USP3: variants seen among roughly 807,000 people sequenced by gnomAD.
USP3 encodes ubiquitin specific peptidase 3.
Under a neutral mutation model 72.3 loss-of-function variants are expected in USP3, and 20 were observed. The observed-to-expected ratio is 0.28, with a 90% confidence interval of 0.19 to 0.40. USP3 has a LOEUF of 0.40. USP3 is among the 10% of genes least tolerant of loss of function. The pLI is 1.00. For missense variants in USP3, 479 were observed against 633.9 expected (o/e 0.76, Z 2.62); for synonymous variants, 222 against 225.3 (o/e 0.99, Z 0.13).
At chr15:63,531,074 G>C (rs931553244) in intron 1 of USP3, among the ~76,000 whole-genome samples, 1 of 152,204 alleles carries the variant, frequency 6.6e-6, no homozygotes, top group African/African-American at 2.4e-5. Context: ...TTGGCAACTA[G>C]AAGGGGATTT....
chr15:63,513,904 G>A (rs1027925897), intron 1 of USP3, among the ~76,000 whole-genome samples: 1 of 152,212 alleles, frequency 6.6e-6, no homozygotes, highest in Non-Finnish European at 1.5e-5. Context: ...TATAGAGACT[G>A]TGGGAGCAAC....
chr15:63,557,582 G>A (rs904102303), intron 5 of USP3, among the ~76,000 whole-genome samples: 7 of 152,164 alleles, frequency 4.6e-5, no homozygotes, highest in African/African-American at 7.2e-5. Flanking sequence ...TTTTAGTAGA[G>A]ACGGAGTTTC....
At chr15:63,590,519 T>C in intron 14 of USP3, 142 bp from the exon 15 acceptor site, 2 of 844,370 alleles carry the variant, frequency 2.4e-6, no homozygotes, top group Non-Finnish European at 3.3e-6. Context: ...TGGAGGAAGG[T>C]AAAAACATTA....
In USP3 at chr15:63,553,637, C is replaced by G. The variant is rs2066466397; in HGVS notation, c.285-78C>G. The G allele has an allele frequency of 2.2e-6, 3 of 1,374,310 alleles. No individual in the cohort carries two copies. The South Asian group carries it at 4.2e-5, about 19-fold the overall frequency. 85.1% of individuals were successfully genotyped at this position (1,374,310 alleles called of 1,614,324 possible). A position where few individuals can be genotyped will look rare whatever the true frequency, so the allele number is the denominator to read the frequency against. ...CAGAGCCATGTGATCATCTTGGCAACAGCCAGACCTTTTAGTGATTTCATT... is the reference window on the plus strand; with the variant it reads ...CAGAGCCATGTGATCATCTTGGCAAGAGCCAGACCTTTTAGTGATTTCATT... On this transcript the variant is annotated intron_variant, in intron 3 of 14. Transcript: ENST00000380324. This position sits in a 1 kb window ranked among gnomAD's most constrained non-coding sequence, Gnocchi z 4.2.
At chr15:63,565,704 A>T (rs1377734385) in intron 8 of USP3, among the ~76,000 whole-genome samples, 1 of 151,990 alleles carries the variant, frequency 6.6e-6, no homozygotes, top group African/African-American at 2.4e-5. Context: ...CTTTGAGATG[A>T]TTCATATTAG....
At chr15:63,536,816 T>C (rs2066164135) in intron 2 of USP3, among the ~76,000 whole-genome samples, 1 of 151,472 alleles carries the variant, frequency 6.6e-6, no homozygotes, top group Admixed American at 6.6e-5. Context: ...ATCGTGCCAC[T>C]GCACTCCAGC....
Position 63,574,017 on chromosome 15 carries a change from A to G in USP3, c.909-29A>G. On this transcript the variant is annotated intron_variant, in intron 9 of 14. Coordinates refer to ENST00000380324, the MANE Select transcript of USP3 (RefSeq NM_006537.4). This position sits in a 1 kb window ranked among gnomAD's most constrained non-coding sequence, Gnocchi z 4.6. ...GTCAAAGAGATGGCTTCTTACTGAG[A>G]TATTTTCCTGTGTGGTGATTTTGTT... The G allele has an allele frequency of 6.8e-7, 1 of 1,480,492 alleles. No individual in the cohort carries two copies. The highest frequency in any genetic ancestry group is 9.1e-7 in the Non-Finnish European group (1 of 1,094,366). 91.7% of individuals were successfully genotyped at this position (1,480,492 alleles called of 1,614,324 possible). A position where few individuals can be genotyped will look rare whatever the true frequency, so the allele number is the denominator to read the frequency against.
At position 63,593,303 on chromosome 15, in the gene USP3, C is replaced by T. The variant is rs1190539271; in HGVS notation, c.*2477C>T. ...ACATTAACATCACATCTAATTCAAC[C>T]TGAAATGTGAGTCTCCTTTGATCTT... is the stretch of plus-strand genomic sequence containing the variant. On this transcript the variant is annotated 3_prime_UTR_variant, in exon 15 of 15. Transcript: ENST00000380324. 1 of 152,182 alleles carries T rather than the reference C, an allele frequency of 6.6e-6. No individual in the cohort carries two copies. The highest frequency in any genetic ancestry group is 1.5e-5 in the Non-Finnish European group (1 of 68,034). 9.4% of individuals were successfully genotyped at this position (152,182 alleles called of 1,614,324 possible).
At chr15:63,566,123 T>C (rs1234489536) in intron 8 of USP3, among the ~76,000 whole-genome samples, 1 of 152,212 alleles carries the variant, frequency 6.6e-6, no homozygotes, top group East Asian at 1.9e-4. Flanking sequence ...ATTTAATATA[T>C]TTGTCTTGAC....
chr15:63,527,550 G>C (rs1326729464), intron 1 of USP3, among the ~76,000 whole-genome samples: 3 of 152,184 alleles, frequency 2.0e-5, no homozygotes, highest in Non-Finnish European at 4.4e-5. Flanking sequence ...TTGTTGGTAG[G>C]CCTCGAATAT....
Position 63,590,997 on chromosome 15 carries a change from T to A in USP3, c.*171T>A, listed in dbSNP as rs1264697743. On this transcript the variant is annotated 3_prime_UTR_variant, in exon 15 of 15. Coordinates refer to ENST00000380324, the MANE Select transcript of USP3 (RefSeq NM_006537.4). Reference sequence around the variant, plus strand: ...ACATGGGCACCAACTAATTTTGTTGTTGTTCTACCAGAAAACCTCAGCAGA... The same window carrying A: ...ACATGGGCACCAACTAATTTTGTTGATGTTCTACCAGAAAACCTCAGCAGA... 1 of 756,706 alleles carries A rather than the reference T, an allele frequency of 1.3e-6. No individual in the cohort carries two copies. Among genetic ancestry groups the A allele is most frequent in the Non-Finnish European group, 1.9e-6 (1 of 528,848 alleles). 46.9% of individuals were successfully genotyped at this position (756,706 alleles called of 1,614,324 possible).
rs1449959629 is a variant in USP3 at position 63,588,465 on chromosome 15, A to G, written c.1215+42A>G. 1 of 1,396,166 alleles carries G rather than the reference A, an allele frequency of 7.2e-7. No homozygotes were observed. Among genetic ancestry groups the G allele is most frequent in the Non-Finnish European group, 1.0e-6 (1 of 998,700 alleles). The allele number at this position is 1,396,166 out of a possible 1,614,324, so 86.5% of individuals were successfully genotyped here. ...GAGTTATGAAGCAATTTCAATGGGAAAGTGCTTGACTGCTAAGACCATGTC... is the reference window on the plus strand; with the variant it reads ...GAGTTATGAAGCAATTTCAATGGGAGAGTGCTTGACTGCTAAGACCATGTC... On this transcript the variant is annotated intron_variant, in intron 12 of 14. Coordinates refer to ENST00000380324, the MANE Select transcript of USP3 (RefSeq NM_006537.4). The surrounding 1 kb of genome is among the most constrained non-coding windows in gnomAD (Gnocchi z 4.6).
chr15:63,557,624 G>C (rs1351169542), intron 5 of USP3, among the ~76,000 whole-genome samples: 1 of 152,180 alleles, frequency 6.6e-6, no homozygotes, highest in African/African-American at 2.4e-5. Flanking sequence ...GAGGCGCCTG[G>C]CCTCAGGCAG....
In USP3 at chr15:63,544,723, C is replaced by T. The variant is rs777037372; in HGVS notation, c.284+7567C>T. The T allele has an allele frequency of 8.6e-6, 6 of 701,658 alleles. No homozygotes were observed. Among genetic ancestry groups the T allele is most frequent in the East Asian group, 2.7e-5 (1 of 37,216 alleles). The allele number at this position is 701,658 out of a possible 1,614,324, so 43.5% of individuals were successfully genotyped here. A position where few individuals can be genotyped will look rare whatever the true frequency, so the allele number is the denominator to read the frequency against. ...GTGAATAGTGCGAAATGGAAAATAC[C>T]GAGGGGTAAGAGAGTTCATGGTATA... On this transcript the variant is annotated intron_variant, in intron 3 of 14. Coordinates refer to ENST00000380324, the MANE Select transcript of USP3 (RefSeq NM_006537.4). This position sits in a 1 kb window ranked among gnomAD's most constrained non-coding sequence, Gnocchi z 4.2.
intron 1 of USP3, among the ~76,000 whole-genome samples, chr15:63,513,611 G>T (rs2065817177): frequency 6.6e-6 from 1 of 152,128 alleles, no homozygotes; most frequent in African/African-American, 2.4e-5. Context: ...CTGACTCTGA[G>T]TGATCTTTCC....
In USP3 at chr15:63,570,402, G is replaced by A. The variant is rs74018123; in HGVS notation, c.762-31G>A. ...GCTGGGCACAAAGAGCCCTCCACCC[G>A]GCCTTATAAGTGACTGTTTGTTTGC... On this transcript the variant is annotated intron_variant, in intron 8 of 14. Transcript: ENST00000380324. The surrounding 1 kb of genome is among the most constrained non-coding windows in gnomAD (Gnocchi z 4.4). 22 of 1,612,696 alleles carry A rather than the reference G, an allele frequency of 1.4e-5. No individual in the cohort carries two copies. Among genetic ancestry groups the A allele is most frequent in the East Asian group, 1.1e-4 (5 of 44,846 alleles).
At chr15:63,530,528 G>A (rs988693222) in intron 1 of USP3, 8 of 366,628 alleles carry the variant, frequency 2.2e-5, no homozygotes, top group African/African-American at 1.1e-4. Context: ...ACCAAAGCTG[G>A]TCTCGAACTC....
intron 11 of USP3, among the ~76,000 whole-genome samples, chr15:63,584,798 C>T (rs2067028336): frequency 6.6e-6 from 1 of 152,014 alleles, no homozygotes. Flanking sequence ...TCTTTTGTTG[C>T]CTGTGCTTTG....
chr15:63,545,981 A>AAAC (rs1555445941), intron 3 of USP3, among the ~76,000 whole-genome samples: 1 of 141,258 alleles, frequency 7.1e-6, no homozygotes, highest in Non-Finnish European at 1.6e-5. Context: ...AAAAAAAAAA[A>AAAC]AAAAAAAAAA....
Sources: gnomAD v4.1 joint callset for allele counts (sites outside exome capture counted in the v4.1 genomes callset) on GRCh38, gnomAD v4.1.1 for gene constraint, Gnocchi (gnomAD v3.1) non-coding constraint, MANE v1.5 for transcripts, NCBI Gene and HGNC (gene_info 2026-07-23, HGNC 2026-07-21) for gene names.